Variants in APP observed in about 807,000 individuals in gnomAD.
APP encodes amyloid beta precursor protein.
A neutral mutation model predicts 101.4 loss-of-function variants in APP; 31 were observed. The observed-to-expected ratio is 0.31, with a 90% CI of 0.23 to 0.41. The LOEUF (loss-of-function observed/expected upper bound fraction) is 0.41, where lower values mean the gene tolerates loss of function less well. Ranked by LOEUF, APP falls within the 10% of genes least tolerant of loss-of-function variation. The pLI is 1.00. For missense variants in APP, 839 were observed against 1,003.7 expected (o/e 0.84, Z 2.22); for synonymous variants, 366 against 364.4 (o/e 1.00, Z -0.05).
At chr21:26,107,542 T>C (rs1393169451) in intron 2 of APP, among the ~76,000 whole-genome samples, 3 of 152,222 alleles carry the variant, frequency 2.0e-5, no homozygotes, top group Admixed American at 6.5e-5. Flanking sequence ...CCTTCCAGCA[T>C]GTAACGCCTC....
intron 4 of APP, among the ~76,000 whole-genome samples, chr21:26,052,095 A>G (rs2045861457): frequency 6.6e-6 from 1 of 152,232 alleles, no homozygotes; most frequent in Non-Finnish European, 1.5e-5. Flanking sequence ...CAAATATACT[A>G]TTTTATAAGA....
chr21:25,904,207 CTT>C (rs1239680121), intron 15 of APP, among the ~76,000 whole-genome samples: 2 of 152,178 alleles, frequency 1.3e-5, no homozygotes, highest in Non-Finnish European at 2.9e-5. Flanking sequence ...CTTTCTTCCT[CTT>C]TTTGATTCAC....
At chr21:25,914,350 G>A (rs1016784493) in intron 13 of APP, among the ~76,000 whole-genome samples, 5 of 151,864 alleles carry the variant, frequency 3.3e-5, no homozygotes, top group Admixed American at 6.6e-5. Context: ...AAAGTCATGT[G>A]TTGAAACTTA....
chr21:26,060,638 T>A (rs542798998), intron 3 of APP, among the ~76,000 whole-genome samples: 1 of 152,334 alleles, frequency 6.6e-6, no homozygotes, highest in Non-Finnish European at 1.5e-5. Flanking sequence ...TGTTTGTTTT[T>A]TCTGAGGGGT....
chr21:26,002,034 A>T (rs1337352354), intron 6 of APP, among the ~76,000 whole-genome samples: 1 of 152,266 alleles, frequency 6.6e-6, no homozygotes, highest in African/African-American at 2.4e-5. Flanking sequence ...TTCATCCTGT[A>T]AGAGTATTGT....
chr21:26,131,518 C>A (rs1490312470), intron 1 of APP, among the ~76,000 whole-genome samples: 1 of 152,100 alleles, frequency 6.6e-6, no homozygotes, highest in Non-Finnish European at 1.5e-5. Context: ...TTAGAGACAA[C>A]AACAGTGTAA....
intron 8 of APP, among the ~76,000 whole-genome samples, chr21:25,988,285 A>G (rs990286214): frequency 2.0e-5 from 3 of 152,232 alleles, no homozygotes; most frequent in African/African-American, 7.2e-5. Context: ...ACAGCCTTAA[A>G]GCCACAGTAA....
At chr21:25,995,688 C>T (rs918815432) in intron 8 of APP, among the ~76,000 whole-genome samples, 4 of 152,228 alleles carry the variant, frequency 2.6e-5, no homozygotes, top group African/African-American at 9.6e-5. Flanking sequence ...CCTAGTCTGT[C>T]AACCCACTTG....
intron 15 of APP, among the ~76,000 whole-genome samples, chr21:25,904,042 C>A (rs568249870): frequency 6.6e-6 from 1 of 152,328 alleles, no homozygotes; most frequent in East Asian, 1.9e-4. Context: ...AAAGGTTGAC[C>A]TCTGTGTATT....
intron 1 of APP, among the ~76,000 whole-genome samples, chr21:26,125,634 T>C (rs1159824780): frequency 1.3e-5 from 2 of 151,568 alleles, no homozygotes; most frequent in African/African-American, 4.9e-5. Flanking sequence ...ACAGGCATTA[T>C]TAGAGTGCAC....
chr21:26,050,552 T>C (rs1308534311), intron 5 of APP, among the ~76,000 whole-genome samples: 2 of 151,868 alleles, frequency 1.3e-5, no homozygotes, highest in East Asian at 3.9e-4. Context: ...AAAGAAATGA[T>C]AAAAGGCCAA....
At chr21:26,096,782 A>C (rs1373285708) in intron 2 of APP, among the ~76,000 whole-genome samples, 1 of 152,206 alleles carries the variant, frequency 6.6e-6, no homozygotes, top group East Asian at 1.9e-4. Flanking sequence ...CCTCAAAAAA[A>C]CAAAAAACAA....
intron 13 of APP, among the ~76,000 whole-genome samples, chr21:25,947,210 C>A (rs1408985141): frequency 6.6e-6 from 1 of 152,108 alleles, no homozygotes. Flanking sequence ...TTACAGATTC[C>A]ATAATTAAGC....
intron 8 of APP, among the ~76,000 whole-genome samples, chr21:25,987,971 A>G (rs543625897): frequency 2.0e-5 from 3 of 152,334 alleles, no homozygotes; most frequent in South Asian, 2.1e-4. Flanking sequence ...TGTGATTTGT[A>G]TTATGGAGAA....
intron 2 of APP, among the ~76,000 whole-genome samples, chr21:26,098,784 C>T (rs1442296778): frequency 9.9e-5 from 15 of 152,068 alleles, no homozygotes; most frequent in Admixed American, 9.8e-4. Flanking sequence ...TTTTTGAAAA[C>T]GCTAAAAATT....
chr21:26,076,041 C>T (rs2146053947), intron 3 of APP, among the ~76,000 whole-genome samples: 1 of 152,154 alleles, frequency 6.6e-6, no homozygotes, highest in Non-Finnish European at 1.5e-5. Flanking sequence ...TTACAGGCGC[C>T]CATCACCATG....
At chr21:26,016,176 A>G (rs2044050800) in intron 6 of APP, among the ~76,000 whole-genome samples, 1 of 152,070 alleles carries the variant, frequency 6.6e-6, no homozygotes, top group Non-Finnish European at 1.5e-5. Flanking sequence ...GATTATGGGC[A>G]CGCGCCACCA....
At chr21:26,056,092 A>T (rs538822138) in intron 3 of APP, among the ~76,000 whole-genome samples, 4 of 152,214 alleles carry the variant, frequency 2.6e-5, no homozygotes, top group Non-Finnish European at 4.4e-5. Context: ...GCTGGAATGT[A>T]GTGGTTGGAT....
intron 13 of APP, among the ~76,000 whole-genome samples, chr21:25,914,610 G>C (rs1040182067): frequency 6.9e-6 from 1 of 144,732 alleles, no homozygotes; most frequent in Non-Finnish European, 1.5e-5. Flanking sequence ...CTGGAGTGCA[G>C]TGGCGCAATC....
Sources: gnomAD v4.1 joint callset for allele counts (sites outside exome capture counted in the v4.1 genomes callset) on GRCh38, gnomAD v4.1.1 for gene constraint, MANE v1.5 for transcripts, NCBI Gene and HGNC (gene_info 2026-07-23, HGNC 2026-07-21) for gene names.